SMOC2: variants seen among roughly 807,000 people sequenced by gnomAD.
The protein encoded by SMOC2 is SPARC-related modular calcium-binding protein 2.
SMOC2 carries 39 observed loss-of-function variants against 61.4 expected under a neutral mutation model. The ratio of observed to expected loss-of-function variants is 0.64; its 90% CI spans 0.49 to 0.83. SMOC2 has a LOEUF of 0.83. Ranked by LOEUF, SMOC2 falls within the 40% of genes least tolerant of loss-of-function variation. The pLI, the probability that SMOC2 is intolerant of heterozygous loss-of-function variation, is 0.00. For synonymous variants in SMOC2, 247 were observed against 239.9 expected (o/e 1.03, Z -0.27); for missense variants, 556 against 592.9 (o/e 0.94, Z 0.65).
chr6:168,642,429 C>A (rs1037057922), intron 9 of SMOC2, among the ~76,000 whole-genome samples: 1 of 152,210 alleles, frequency 6.6e-6, no homozygotes, highest in Non-Finnish European at 1.5e-5. Flanking sequence ...ACACAGAAAC[C>A]TTTAGGCTGA....
intron 1 of SMOC2, among the ~76,000 whole-genome samples, chr6:168,450,768 C>T (rs1445647994): frequency 6.6e-6 from 1 of 152,164 alleles, no homozygotes; most frequent in Non-Finnish European, 1.5e-5. Context: ...TGGTCTTGCA[C>T]AAGCATTTGG....
intron 9 of SMOC2, among the ~76,000 whole-genome samples, chr6:168,649,221 G>A (rs1787129193): frequency 6.6e-6 from 1 of 152,256 alleles, no homozygotes; most frequent in African/African-American, 2.4e-5. Flanking sequence ...GGGCTCCTGA[G>A]ATTCCCTTTG....
intron 9 of SMOC2, among the ~76,000 whole-genome samples, chr6:168,627,883 A>G (rs1786455917): frequency 6.6e-6 from 1 of 152,222 alleles, no homozygotes; most frequent in Non-Finnish European, 1.5e-5. Context: ...CGGAGGAGAA[A>G]GGCCCACAGG....
chr6:168,558,500 G>A (rs553895724), intron 7 of SMOC2, among the ~76,000 whole-genome samples: 1 of 152,264 alleles, frequency 6.6e-6, no homozygotes, highest in South Asian at 2.1e-4. Context: ...GGGGGCCTGG[G>A]CTGGTTCTCG....
At chr6:168,545,046 G>A (rs1262008915) in intron 5 of SMOC2, among the ~76,000 whole-genome samples, 1 of 152,076 alleles carries the variant, frequency 6.6e-6, no homozygotes, top group Non-Finnish European at 1.5e-5. Flanking sequence ...GAAAGGAAGG[G>A]GTAAAGTTGC....
intron 1 of SMOC2, among the ~76,000 whole-genome samples, chr6:168,503,065 CTTTTTTTTTTTTTT>C (rs762736911): frequency 1.0e-4 from 5 of 47,806 alleles, no homozygotes; most frequent in African/African-American, 4.2e-4. Flanking sequence ...CGTGCCTGGC[CTTTTTTTTTTTTTT>C]TTTTTTTTTT....
intron 7 of SMOC2, among the ~76,000 whole-genome samples, chr6:168,550,238 T>A (rs1784099078): frequency 6.6e-6 from 1 of 152,240 alleles, no homozygotes; most frequent in African/African-American, 2.4e-5. Flanking sequence ...TTGAATTTTC[T>A]GCGATCAGCT....
chr6:168,647,622 C>T (rs961694654), intron 9 of SMOC2, among the ~76,000 whole-genome samples: 5 of 152,196 alleles, frequency 3.3e-5, no homozygotes, highest in Admixed American at 2.0e-4. Context: ...CCTCAAGCCT[C>T]GTTGCTCCTC....
chr6:168,584,439 G>C (rs1186624710), intron 7 of SMOC2, among the ~76,000 whole-genome samples: 2 of 152,130 alleles, frequency 1.3e-5, no homozygotes, highest in African/African-American at 4.8e-5. Context: ...AGCCAAACTT[G>C]GCAAGAGTTG....
intron 1 of SMOC2, among the ~76,000 whole-genome samples, chr6:168,442,202 G>A (rs1295976061): frequency 1.3e-5 from 2 of 152,268 alleles, no homozygotes; most frequent in Admixed American, 6.5e-5. Context: ...CCCGCTCTGC[G>A]GGGCCTCTGG....
chr6:168,549,290 G>T, intron 7 of SMOC2, 87 bp downstream of exon 7: 4 of 1,280,920 alleles, frequency 3.1e-6, no homozygotes, highest in Non-Finnish European at 3.4e-6. Context: ...TAAGTGTATT[G>T]TACAGTTGAC....
chr6:168,613,132 G>A lies in SMOC2; in HGVS notation c.907+4893G>A, dbSNP rs79991718. Among the ~76,000 whole-genome samples the A allele has an allele frequency of 8.1e-3, 1,236 of 152,270 alleles. 15 individuals are homozygous for A. Among genetic ancestry groups the A allele is most frequent in the African/African-American group, 0.028 (1,164 of 41,530 alleles). ...ACTGGCAGGGAACGCTCACATTTTCGTCATTGTGACGATCTGCGCTGCGTG... is the reference window on the plus strand; with the variant it reads ...ACTGGCAGGGAACGCTCACATTTTCATCATTGTGACGATCTGCGCTGCGTG... On this transcript the variant is annotated intron_variant, in intron 9 of 12. Transcript: ENST00000356284.
intron 9 of SMOC2, among the ~76,000 whole-genome samples, chr6:168,616,862 G>A (rs2115224525): frequency 6.6e-6 from 1 of 152,324 alleles, no homozygotes; most frequent in Middle Eastern, 3.4e-3. Context: ...ACCGGTGTCT[G>A]TGGAGCATCC....
At chr6:168,557,531 G>C (rs1232509314) in intron 7 of SMOC2, among the ~76,000 whole-genome samples, 2 of 152,164 alleles carry the variant, frequency 1.3e-5, no homozygotes, top group African/African-American at 4.8e-5. Context: ...ACACCAACAC[G>C]TGTACACGCA....
At chr6:168,624,398 C>T (rs532784685) in intron 9 of SMOC2, among the ~76,000 whole-genome samples, 20 of 152,274 alleles carry the variant, frequency 1.3e-4, no homozygotes, top group South Asian at 8.3e-4. Context: ...ATAAAGTACT[C>T]GTTGAAAGGC....
intron 1 of SMOC2, among the ~76,000 whole-genome samples, chr6:168,484,908 G>A (rs1252474606): frequency 1.3e-5 from 2 of 152,168 alleles, no homozygotes; most frequent in East Asian, 3.8e-4. Context: ...CAAAGTCATA[G>A]AGACAAAGTA....
intron 7 of SMOC2, among the ~76,000 whole-genome samples, chr6:168,549,608 G>A (rs1029538023): frequency 6.6e-6 from 1 of 152,156 alleles, no homozygotes; most frequent in African/African-American, 2.4e-5. Context: ...GGAGGAAGAG[G>A]AGGAGGGGCT....
At chr6:168,627,483 G>A (rs1036621089) in intron 9 of SMOC2, among the ~76,000 whole-genome samples, 35 of 152,134 alleles carry the variant, frequency 2.3e-4, no homozygotes, top group Non-Finnish European at 4.1e-4. Context: ...CAGGATGTCA[G>A]GAAGAAAAAT....
intron 1 of SMOC2, among the ~76,000 whole-genome samples, chr6:168,497,794 G>GC (rs1388202844): frequency 2.0e-5 from 3 of 152,110 alleles, no homozygotes; most frequent in Non-Finnish European, 2.9e-5. Flanking sequence ...ACCACGTTTT[G>GC]CCCCCCACAA....
Sources: allele counts gnomAD v4.1 joint callset (sites outside exome capture counted in the v4.1 genomes callset), GRCh38; gene constraint gnomAD v4.1.1; transcripts MANE v1.5; gene names NCBI Gene and HGNC (gene_info 2026-07-23, HGNC 2026-07-21).